Variants in NRG1 observed in about 807,000 individuals in gnomAD.
The protein encoded by NRG1 is pro-neuregulin-1, membrane-bound isoform.
NRG1 carries 18 observed loss-of-function variants against 63.8 expected under a neutral mutation model. The observed-to-expected ratio is 0.28, with a 90% confidence interval of 0.19 to 0.42. The LOEUF (loss-of-function observed/expected upper bound fraction) is 0.42, where lower values mean the gene tolerates loss of function less well. Among genes scored for constraint, NRG1 ranks in the 10% least tolerant of loss-of-function variants. NRG1 has a pLI of 1.00. For synonymous variants in NRG1, 302 were observed against 301.3 expected, an observed-to-expected ratio of 1.00 and a Z score of -0.02; for missense variants, 762 against 814.7, an observed-to-expected ratio of 0.94 and a Z score of 0.79.
intron 1 of NRG1, among the ~76,000 whole-genome samples, chr8:31,806,838 G>A (rs1032223074): frequency 6.6e-6 from 1 of 152,142 alleles, no homozygotes; most frequent in Non-Finnish European, 1.5e-5. Context: ...CCATTAATGT[G>A]CATGTAAAGA....
chr8:32,075,217 T>C (rs1826315864), intron 1 of NRG1, among the ~76,000 whole-genome samples: 2 of 152,190 alleles, frequency 1.3e-5, no homozygotes, highest in African/African-American at 4.8e-5. Flanking sequence ...GAACCTTTTA[T>C]GCCTCCAAAA....
At chr8:31,801,324 G>C (rs749745901) in intron 1 of NRG1, among the ~76,000 whole-genome samples, 1 of 152,118 alleles carries the variant, frequency 6.6e-6, no homozygotes, top group Non-Finnish European at 1.5e-5. Flanking sequence ...TGATTTTTAA[G>C]TTGCTATTAC....
chr8:32,407,669 T>G (rs1008669626), intron 1 of NRG1, among the ~76,000 whole-genome samples: 7 of 152,130 alleles, frequency 4.6e-5, no homozygotes, highest in Non-Finnish European at 1.0e-4. Flanking sequence ...TCAGTACATA[T>G]GTCCAACACT....
rs117065270 is a variant in NRG1, at chr8:31,710,770, A to G, written c.37+71339A>G. Among the ~76,000 whole-genome samples the G allele has an allele frequency of 2.6e-3, 392 of 152,186 alleles. 12 individuals are homozygous for G. In the East Asian group the frequency reaches 0.063, roughly 24 times the overall value. ...GTATTGAGCTTGGTTTTACTTTCTCATTCAATCTAAATATCTTTGATTTTA... is the reference window on the plus strand; with the variant it reads ...GTATTGAGCTTGGTTTTACTTTCTCGTTCAATCTAAATATCTTTGATTTTA... On this transcript the variant is annotated intron_variant, in intron 1 of 10. Coordinates refer to the NRG1 transcript ENST00000519301.
chr8:31,658,893 G>A (rs7011516), intron 1 of NRG1, among the ~76,000 whole-genome samples: 24,739 of 152,116 alleles, frequency 0.16, 2,204 homozygotes, highest in Admixed American at 0.22. Flanking sequence ...CTACTTGATT[G>A]CTGCATTTTT....
chr8:31,697,051 G>T (rs1563303135), intron 1 of NRG1, among the ~76,000 whole-genome samples: 1 of 152,120 alleles, frequency 6.6e-6, no homozygotes, highest in East Asian at 1.9e-4. Context: ...TGGATTTAGT[G>T]TACTAAATAA....
chr8:32,054,578 G>A (rs12550484), intron 1 of NRG1, among the ~76,000 whole-genome samples: 60,009 of 151,922 alleles, frequency 0.39, 12,173 homozygotes, highest in East Asian at 0.65. Context: ...TGCAAAACCA[G>A]GAAAAATTTG....
Position 32,759,544 on chromosome 8 carries a change from G to A in NRG1, c.1052+108G>A, listed in dbSNP as rs1306140008. 39 of 1,327,648 alleles carry A rather than the reference G, an allele frequency of 2.9e-5. No individual in the cohort carries two copies. The East Asian group carries it at 3.7e-4, about 12-fold the overall frequency. The allele number at this position is 1,327,648 out of a possible 1,614,324, so 82.2% of individuals were successfully genotyped here. A position where few individuals can be genotyped will look rare whatever the true frequency, so the allele number is the denominator to read the frequency against. ...GAGGCAGTGAAATGGATGGTCTTTG[G>A]GCAGCAACAGATTTTGAAAATCAAC... On this transcript the variant is annotated intron_variant, in intron 10 of 11. Coordinates refer to ENST00000356819, the Ensembl canonical transcript of NRG1.
chr8:32,540,277 A>G (rs141156539), intron 1 of NRG1, among the ~76,000 whole-genome samples: 1,548 of 152,240 alleles, frequency 0.01, 22 homozygotes, highest in African/African-American at 0.035. Flanking sequence ...AATATATATT[A>G]AATTCTTTAC....
intron 1 of NRG1, among the ~76,000 whole-genome samples, chr8:32,473,801 A>G (rs555830123): frequency 3.5e-4 from 53 of 152,276 alleles, no homozygotes; most frequent in African/African-American, 1.2e-3. Context: ...TTCCTGCTTC[A>G]ACCTGCTGAG....
At chr8:32,534,518 G>A (rs1831767882) in intron 1 of NRG1, among the ~76,000 whole-genome samples, 1 of 152,114 alleles carries the variant, frequency 6.6e-6, no homozygotes, top group South Asian at 2.1e-4. Flanking sequence ...CTCCACCTTA[G>A]TTCACAGATA....
At chr8:32,516,965 G>C (rs1417584124) in intron 1 of NRG1, among the ~76,000 whole-genome samples, 2 of 134,148 alleles carry the variant, frequency 1.5e-5, no homozygotes, top group African/African-American at 2.6e-5. Flanking sequence ...AAGATACTTA[G>C]GGAGGGAAAA....
chr8:32,691,750 G>T (rs1318126152), intron 5 of NRG1, among the ~76,000 whole-genome samples: 1 of 152,190 alleles, frequency 6.6e-6, no homozygotes. Flanking sequence ...GGGAATTGTT[G>T]TTGTGATTAA....
At chr8:32,260,235 G>T (rs1850216466) in intron 1 of NRG1, among the ~76,000 whole-genome samples, 1 of 152,190 alleles carries the variant, frequency 6.6e-6, no homozygotes, top group Non-Finnish European at 1.5e-5. Flanking sequence ...CCAGTGAAAA[G>T]CATGGGGCTG....
chr8:32,340,246 C>T (rs1018771281), intron 1 of NRG1, among the ~76,000 whole-genome samples: 9 of 152,122 alleles, frequency 5.9e-5, no homozygotes, highest in African/African-American at 1.9e-4. Context: ...TGCATACATA[C>T]ACACACACAC....
chr8:31,947,842 A>T (rs1349440797), intron 1 of NRG1, among the ~76,000 whole-genome samples: 1 of 146,316 alleles, frequency 6.8e-6, no homozygotes, highest in Non-Finnish European at 1.5e-5. Flanking sequence ...GCTACTTGGG[A>T]TGCTGAGGCA....
chr8:32,661,135 G>T (rs1248391020), intron 5 of NRG1, among the ~76,000 whole-genome samples: 1 of 152,194 alleles, frequency 6.6e-6, no homozygotes, highest in Non-Finnish European at 1.5e-5. Context: ...GAATAAAAAT[G>T]CTGCCCTCTC....
chr8:32,016,586 T>A (rs1815580482), intron 1 of NRG1, among the ~76,000 whole-genome samples: 1 of 152,168 alleles, frequency 6.6e-6, no homozygotes, highest in Non-Finnish European at 1.5e-5. Flanking sequence ...CACAATGAGT[T>A]TTGTTCTGTC....
chr8:31,961,702 A>G (rs1177734750), intron 1 of NRG1, among the ~76,000 whole-genome samples: 1 of 152,090 alleles, frequency 6.6e-6, no homozygotes, highest in Non-Finnish European at 1.5e-5. Context: ...TCCAACTGAG[A>G]TTGGAGTATG....
Sources: allele counts gnomAD v4.1 joint callset (sites outside exome capture counted in the v4.1 genomes callset), GRCh38; gene constraint gnomAD v4.1.1; transcripts MANE v1.5; gene names NCBI Gene and HGNC (gene_info 2026-07-23, HGNC 2026-07-21).